Variants in LYSMD4 observed in about 807,000 individuals in gnomAD.
The protein encoded by LYSMD4 is lysM and putative peptidoglycan-binding domain-containing protein 4.
A neutral mutation model predicts 6.1 loss-of-function variants in LYSMD4; 9 were observed. The observed-to-expected ratio is 1.47, with a 90% confidence interval of 0.88 to 2.56. The LOEUF (loss-of-function observed/expected upper bound fraction) is 2.56, where lower values mean the gene tolerates loss of function less well. LYSMD4 is among the 30% of genes most tolerant of loss of function. LYSMD4 has a pLI of 0.00. For synonymous variants in LYSMD4, 143 were observed against 148.5 expected (o/e 0.96, Z 0.27); for missense variants, 384 against 373.5 (o/e 1.03, Z -0.23).
At chr15:99,729,825 T>A in intron 2 of LYSMD4, 94 bp from the exon 3 acceptor site, 2 of 1,402,218 alleles carry the variant, frequency 1.4e-6, no homozygotes, top group South Asian at 1.5e-5. Flanking sequence ...GGGTGATGAT[T>A]CAAGCCCACT....
At chr15:99,718,540 T>C (rs551301666), upstream of LYSMD4, among the ~76,000 whole-genome samples, 29 of 152,368 alleles carry the variant, frequency 1.9e-4, no homozygotes, top group Admixed American at 1.5e-3. Context: ...GGAACAGCTG[T>C]CCCTTCTCAT....
rs1004315936 is a variant in LYSMD4, at chr15:99,729,682, T to C, written c.332A>G (p.Tyr111Cys). ...TGGAATCTTAACAGATTTCAAAGCA[T>C]ATAAGTCTTGTTCTCTGATGAAGTT... ...VNNFIREQDL[Y>C]ALKSVKIPVR... is the part of the protein sequence containing the mutation. The change falls in exon 3 of 3, where the codon TAT (tyrosine) becomes TGT (cysteine). Residue 111 changes from tyrosine to cysteine, a missense_variant. Coordinates refer to ENST00000684762, the MANE Select transcript of LYSMD4 (RefSeq NM_001284417.2). 5 of 1,613,748 alleles carry C rather than the reference T, an allele frequency of 3.1e-6. No homozygotes were observed. The East Asian group carries it at 6.7e-5, about 22-fold the overall frequency.
downstream of LYSMD4, chr15:99,727,382 A>T (rs1258576769): frequency 3.9e-5 from 6 of 152,228 alleles, no homozygotes; most frequent in African/African-American, 1.2e-4. Flanking sequence ...CCAAAAAAAA[A>T]TTAAATAAAA....
downstream of LYSMD4, among the ~76,000 whole-genome samples, chr15:99,723,676 A>G (rs949550115): frequency 3.3e-5 from 5 of 152,180 alleles, no homozygotes; most frequent in Admixed American, 6.5e-5. Context: ...GGGAATTACA[A>G]GTAGTAAAGC....
In LYSMD4 at chr15:99,729,399, C is replaced by T. The variant is rs962685946; in HGVS notation, c.615G>A (p.Pro205=). The T allele has an allele frequency of 5.0e-6, 8 of 1,614,218 alleles. No individual in the cohort carries two copies. Among genetic ancestry groups the T allele is most frequent in the Non-Finnish European group, 5.9e-6 (7 of 1,180,048 alleles). ...AATCTGCACCATCCATAGGCGTCTT[C>T]GGAGGTGCCGGGAGCAGTGGCTGAT... ...TSHQPLLPAP[P]KTPMDGADCG... The change falls in exon 3 of 3, where the codon CCG becomes CCA. Residue 205 remains proline, a synonymous_variant. Transcript: ENST00000684762.
chr15:99,717,503 A>T (rs1224208300), exon 1 of LYSMD4: 1 of 149,012 alleles, frequency 6.7e-6, no homozygotes, highest in African/African-American at 2.5e-5. Flanking sequence ...CGGGGCCAGG[A>T]GGTTTCAGAC....
At chr15:99,732,086 G>A (rs1002392548) in intron 1 of LYSMD4, 79 bp from the exon 2 acceptor site, 10 of 1,403,382 alleles carry the variant, frequency 7.1e-6, no homozygotes, top group Non-Finnish European at 9.6e-6. Flanking sequence ...GAAGTGTCTT[G>A]TTAGAGAGTA....
At chr15:99,731,159 A>T in intron 2 of LYSMD4, 1 of 1,610,612 alleles carries the variant, frequency 6.2e-7, no homozygotes, top group Non-Finnish European at 8.5e-7. Flanking sequence ...TTCTAGAAAT[A>T]CTTTCCTACT....
chr15:99,716,796 A>G (rs1209041599), exon 1 of LYSMD4: 2 of 404,174 alleles, frequency 4.9e-6, no homozygotes, highest in East Asian at 1.5e-4. Flanking sequence ...AGTGGAATCC[A>G]TTCGGCCTCC....
Position 99,727,786 on chromosome 15 carries a change from G to A in LYSMD4, c.*1337C>T, listed in dbSNP as rs191546613. 55 of 152,302 alleles carry A rather than the reference G, an allele frequency of 3.6e-4. No individual in the cohort carries two copies. The highest frequency in any genetic ancestry group is 1.3e-3 in the African/African-American group (52 of 41,554). 9.4% of individuals were successfully genotyped at this position (152,302 alleles called of 1,614,324 possible). A position where few individuals can be genotyped will look rare whatever the true frequency, so the allele number is the denominator to read the frequency against. ...TGAGACCTTTGATACTTTTCTCCAG[G>A]CCTCATGAGTCAAAGGCCATCACTG... On this transcript the variant is annotated 3_prime_UTR_variant, in exon 3 of 3. Transcript: ENST00000684762.
At chr15:99,724,891 T>C (rs536667894), downstream of LYSMD4, among the ~76,000 whole-genome samples, 1 of 152,194 alleles carries the variant, frequency 6.6e-6, no homozygotes, top group Non-Finnish European at 1.5e-5. Flanking sequence ...ATCACCACAC[T>C]GGTCCTTCCA....
exon 1 of LYSMD4, chr15:99,716,087 A>G (rs1415932713): frequency 6.4e-6 from 1 of 157,424 alleles, no homozygotes; most frequent in Admixed American, 6.2e-5. Context: ...TTAGAATGTG[A>G]AAAAGATTTT....
intron 2 of LYSMD4, chr15:99,731,272 G>A: frequency 1.2e-6 from 2 of 1,602,284 alleles, no homozygotes; most frequent in East Asian, 2.2e-5. Flanking sequence ...TTCTAAACGA[G>A]AGAAGGTAAA....
downstream of LYSMD4, among the ~76,000 whole-genome samples, chr15:99,726,342 C>T (rs1217883060): frequency 6.6e-6 from 1 of 151,962 alleles, no homozygotes; most frequent in Non-Finnish European, 1.5e-5. Context: ...GGGGATTCCA[C>T]CATATTGGCC....
intron 1 of LYSMD4, chr15:99,733,117 C>G: frequency 1.4e-5 from 5 of 364,188 alleles, no homozygotes; most frequent in Non-Finnish European, 2.4e-5. Flanking sequence ...CGGGCGGGGC[C>G]CTAACATTCC....
exon 1 of LYSMD4, chr15:99,716,270 G>A (rs939361624): frequency 5.9e-6 from 2 of 340,524 alleles, no homozygotes; most frequent in Non-Finnish European, 5.8e-6. Context: ...ATGTAAAACC[G>A]TTTGGCGGCA....
upstream of LYSMD4, among the ~76,000 whole-genome samples, chr15:99,719,796 T>C (rs547889777): frequency 9.2e-5 from 14 of 152,226 alleles, no homozygotes; most frequent in Non-Finnish European, 1.8e-4. Context: ...CCTCCAGAGA[T>C]GTATCAATTT....
upstream of LYSMD4, among the ~76,000 whole-genome samples, chr15:99,721,502 A>C (rs2059237795): frequency 1.3e-5 from 2 of 152,204 alleles, no homozygotes; most frequent in African/African-American, 2.4e-5. Context: ...TAAGTCAACA[A>C]CACACCTCCA....
downstream of LYSMD4, among the ~76,000 whole-genome samples, chr15:99,726,206 C>G (rs969165673): frequency 9.9e-5 from 14 of 141,304 alleles, no homozygotes; most frequent in Non-Finnish European, 4.6e-5. Flanking sequence ...GATCTCGGCC[C>G]GATCTCGGCT....
Sources: allele counts gnomAD v4.1 joint callset (sites outside exome capture counted in the v4.1 genomes callset), GRCh38; gene constraint gnomAD v4.1.1; transcripts MANE v1.5; gene names NCBI Gene and HGNC (gene_info 2026-07-23, HGNC 2026-07-21).